Variants in SRPK2 observed in about 807,000 individuals in gnomAD.
SRPK2 encodes SFRS protein kinase 2.
A neutral mutation model predicts 90.8 loss-of-function variants in SRPK2; 21 were observed. That is an observed-to-expected ratio of 0.23 (90% CI 0.16 to 0.33). The LOEUF is 0.33. SRPK2 is among the 10% of genes least tolerant of loss of function. SRPK2 has a pLI of 1.00. For synonymous variants in SRPK2, 288 were observed against 311.1 expected (o/e 0.93, Z 0.78); for missense variants, 620 against 869.0 (o/e 0.71, Z 3.60).
At chr7:105,250,971 T>C (rs1802406883) in intron 2 of SRPK2, among the ~76,000 whole-genome samples, 1 of 152,174 alleles carries the variant, frequency 6.6e-6, no homozygotes, top group African/African-American at 2.4e-5. Flanking sequence ...ACTAGGAACA[T>C]GGCTGATATT....
At chr7:105,176,621 G>GTGTGTGTATA (rs148629862) in intron 3 of SRPK2, among the ~76,000 whole-genome samples, 2 of 147,554 alleles carry the variant, frequency 1.4e-5, no homozygotes, top group African/African-American at 5.1e-5. Flanking sequence ...ATACGTGTGT[G>GTGTGTGTATA]TATATATATA....
chr7:105,124,512 G>A (rs1051306249), intron 15 of SRPK2, among the ~76,000 whole-genome samples: 1 of 151,778 alleles, frequency 6.6e-6, no homozygotes, highest in African/African-American at 2.4e-5. Flanking sequence ...GTGGTGGCAG[G>A]TGCCTGTAAT....
chr7:105,332,431 T>C (rs1022756372), intron 2 of SRPK2, among the ~76,000 whole-genome samples: 2 of 152,016 alleles, frequency 1.3e-5, no homozygotes, highest in African/African-American at 4.8e-5. Context: ...ACAAAAGATA[T>C]CCACAGGAGG....
chr7:105,328,865 C>CA (rs527900668), intron 2 of SRPK2, among the ~76,000 whole-genome samples: 5,972 of 63,986 alleles, frequency 0.093, 181 homozygotes, highest in African/African-American at 0.12. Flanking sequence ...ACTCTGTCTC[C>CA]AAAAAAAAAA....
chr7:105,253,730 G>A (rs1802810009), intron 2 of SRPK2, among the ~76,000 whole-genome samples: 2 of 152,100 alleles, frequency 1.3e-5, no homozygotes, highest in South Asian at 4.1e-4. Flanking sequence ...TGACCAAAAA[G>A]GTGATTACAT....
At chr7:105,353,549 G>A (rs1411958080) in intron 2 of SRPK2, among the ~76,000 whole-genome samples, 1 of 144,000 alleles carries the variant, frequency 6.9e-6, no homozygotes, top group Non-Finnish European at 1.5e-5. Context: ...GTTGTTTGGT[G>A]GAGACAGGGT....
At chr7:105,362,746 T>C (rs911581676) in intron 2 of SRPK2, among the ~76,000 whole-genome samples, 2 of 152,112 alleles carry the variant, frequency 1.3e-5, no homozygotes, top group South Asian at 2.1e-4. Context: ...CACATGTACA[T>C]GTATGTTTAC....
intron 2 of SRPK2, among the ~76,000 whole-genome samples, chr7:105,227,541 T>G (rs1798859016): frequency 6.6e-6 from 1 of 152,172 alleles, no homozygotes; most frequent in South Asian, 2.1e-4. Flanking sequence ...TACCACTTCA[T>G]GTCCAGTAGG....
intron 2 of SRPK2, among the ~76,000 whole-genome samples, chr7:105,224,027 G>A (rs1798416896): frequency 6.6e-6 from 1 of 152,058 alleles, no homozygotes; most frequent in African/African-American, 2.4e-5. Flanking sequence ...CTGAAACAGA[G>A]CTCTAGTTTT....
intron 2 of SRPK2, among the ~76,000 whole-genome samples, chr7:105,375,508 C>T (rs1270047244): frequency 6.6e-6 from 1 of 152,084 alleles, no homozygotes; most frequent in African/African-American, 2.4e-5. Flanking sequence ...AAAGCAATAC[C>T]CATCTCTATT....
At chr7:105,210,768 T>C (rs188597743) in intron 2 of SRPK2, among the ~76,000 whole-genome samples, 9 of 152,268 alleles carry the variant, frequency 5.9e-5, no homozygotes, top group Admixed American at 3.9e-4. Flanking sequence ...AGGGTTTTCT[T>C]TGGCTGGTCA....
chr7:105,275,041 C>T (rs1806307019), intron 2 of SRPK2, among the ~76,000 whole-genome samples: 1 of 152,118 alleles, frequency 6.6e-6, no homozygotes, highest in African/African-American at 2.4e-5. Context: ...GCACCCGCCA[C>T]CACGCCTGAC....
chr7:105,368,863 T>G (rs1585922373), intron 2 of SRPK2, among the ~76,000 whole-genome samples: 1 of 123,940 alleles, frequency 8.1e-6, no homozygotes, highest in African/African-American at 3.1e-5. Context: ...CCAACCTAGG[T>G]GACAAAGCGA....
intron 3 of SRPK2, among the ~76,000 whole-genome samples, chr7:105,173,872 G>C (rs1232142967): frequency 6.7e-6 from 1 of 149,904 alleles, no homozygotes; most frequent in Non-Finnish European, 1.5e-5. Context: ...TTCACTATTT[G>C]TACTATTTAA....
rs187970332 is a variant in SRPK2, at chr7:105,308,904, A to T, written c.71+79744T>A. On this transcript the variant is annotated intron_variant, in intron 2 of 15. Coordinates refer to ENST00000393651, the MANE Select transcript of SRPK2 (RefSeq NM_182692.3). ...GGAGCCGTCATCATTTCTGGCCCCT[A>T]CTAGGTCTCCTACCCCTCATACTTT... 1.3e-4 allele frequency among the ~76,000 whole-genome samples: 20 copies of T among 152,204 alleles called. No individual in the cohort carries two copies. The East Asian group carries it at 3.5e-3, about 26-fold the overall frequency.
intron 2 of SRPK2, among the ~76,000 whole-genome samples, chr7:105,352,419 G>C (rs1425221919): frequency 2.0e-5 from 3 of 152,198 alleles, no homozygotes; most frequent in East Asian, 1.9e-4. Context: ...CAACAGGCAA[G>C]GCCTCCTGCC....
At chr7:105,270,069 A>C (rs891933926) in intron 2 of SRPK2, among the ~76,000 whole-genome samples, 4 of 152,276 alleles carry the variant, frequency 2.6e-5, no homozygotes, top group African/African-American at 9.6e-5. Flanking sequence ...AATAAAAATT[A>C]GTTCCATAAA....
intron 13 of SRPK2, among the ~76,000 whole-genome samples, chr7:105,131,989 GCC>G (rs780229990): frequency 6.6e-6 from 1 of 152,152 alleles, no homozygotes; most frequent in Non-Finnish European, 1.5e-5. Context: ...CAAATGCAGG[GCC>G]CTTTGTGTTC....
At position 105,126,352 on chromosome 7, in the gene SRPK2, A is replaced by T. The variant is rs1278511401; in HGVS notation, c.1823-12T>A. ...GTGGGCTATGTGGTCTATGGAGGAGAGAAAAAAAGGATATGGGAATGGGAG... is the reference window on the plus strand; with the variant it reads ...GTGGGCTATGTGGTCTATGGAGGAGTGAAAAAAAGGATATGGGAATGGGAG... On this transcript the variant is annotated splice_polypyrimidine_tract_variant and intron_variant, in intron 14 of 15. Coordinates refer to ENST00000393651, the MANE Select transcript of SRPK2 (RefSeq NM_182692.3). The T allele has an allele frequency of 6.2e-7, 1 of 1,602,038 alleles. No individual in the cohort carries two copies. Among genetic ancestry groups the T allele is most frequent in the African/African-American group, 1.3e-5 (1 of 74,598 alleles).
Sources: gnomAD v4.1 joint callset for allele counts (sites outside exome capture counted in the v4.1 genomes callset) on GRCh38, gnomAD v4.1.1 for gene constraint, MANE v1.5 for transcripts, NCBI Gene and HGNC (gene_info 2026-07-23, HGNC 2026-07-21) for gene names.